TP53BP2: variants seen among roughly 807,000 people sequenced by gnomAD.
The protein encoded by TP53BP2 is apoptosis-stimulating of p53 protein 2.
In TP53BP2, 62 loss-of-function variants were observed where a neutral mutation model predicts 126.2. That is an observed-to-expected ratio of 0.49 (90% CI 0.40 to 0.61). TP53BP2 has a LOEUF of 0.61. Ranked by LOEUF, TP53BP2 falls within the 20% of genes least tolerant of loss-of-function variation. The pLI, the probability that TP53BP2 is intolerant of heterozygous loss-of-function variation, is 0.00. For missense variants in TP53BP2, 1,215 were observed against 1,402.8 expected (o/e 0.87, Z 2.14); for synonymous variants, 485 against 502.9 (o/e 0.96, Z 0.48).
At chr1:223,820,895 C>G (rs1465666422) in intron 2 of TP53BP2, among the ~76,000 whole-genome samples, 1 of 152,184 alleles carries the variant, frequency 6.6e-6, no homozygotes, top group Non-Finnish European at 1.5e-5. Context: ...TGAGAGAAGG[C>G]AAACCAGTTA....
intron 1 of TP53BP2, among the ~76,000 whole-genome samples, chr1:223,824,167 T>C (rs1038033847): frequency 2.2e-4 from 34 of 152,218 alleles, no homozygotes; most frequent in Admixed American, 1.3e-4. Flanking sequence ...TAAGCTGTCC[T>C]TTATAGAAAG....
In TP53BP2 at chr1:223,800,696, T is replaced by C; in HGVS notation, c.1336+4A>G. 1 of 1,585,984 alleles carries C rather than the reference T, an allele frequency of 6.3e-7. No individual in the cohort carries two copies. Among genetic ancestry groups the C allele is most frequent in the Non-Finnish European group, 8.5e-7 (1 of 1,170,500 alleles). ...TGTTCAAGAGTAGCACAAATAAATCTCACCTTGATCCAGAGCATTCCCAGT... is the reference window on the plus strand; with the variant it reads ...TGTTCAAGAGTAGCACAAATAAATCCCACCTTGATCCAGAGCATTCCCAGT... On this transcript the variant is annotated splice_donor_region_variant and intron_variant, in intron 10 of 17. Transcript: ENST00000343537.
At chr1:223,830,395 G>C (rs1039388099) in intron 1 of TP53BP2, among the ~76,000 whole-genome samples, 2 of 152,058 alleles carry the variant, frequency 1.3e-5, no homozygotes, top group South Asian at 4.1e-4. Context: ...ACATAGATGA[G>C]GTTGTACAAA....
chr1:223,812,842 G>A (rs538381112), intron 3 of TP53BP2, among the ~76,000 whole-genome samples: 17 of 151,680 alleles, frequency 1.1e-4, no homozygotes, highest in African/African-American at 2.2e-4. Context: ...GATTACAGGC[G>A]TGAGCCACCA....
At position 223,784,242 on chromosome 1, in the gene TP53BP2, T is replaced by C; in HGVS notation, c.3236A>G (p.Asp1079Gly). 2 of 1,614,188 alleles carry C rather than the reference T, an allele frequency of 1.2e-6. No homozygotes were observed. Among genetic ancestry groups the C allele is most frequent in the South Asian group, 2.2e-5 (2 of 91,088 alleles). ...TCCTTCTTTCATGGGCAGCTCATCA[T>C]CATTCTGAGGTTCATAATCCCAAAG... ...YALWDYEPQN[D>G]DELPMKEGDC... is the part of the protein sequence containing the mutation. The change falls in exon 17 of 18, where the codon GAT becomes GGT. Residue 1079 changes from aspartate to glycine, a missense_variant. Transcript: ENST00000343537.
intron 3 of TP53BP2, among the ~76,000 whole-genome samples, chr1:223,813,469 T>A (rs961345385): frequency 6.6e-6 from 1 of 152,102 alleles, no homozygotes; most frequent in Non-Finnish European, 1.5e-5. Context: ...CTTAACTCTG[T>A]CTACTCTTTC....
At position 223,804,318 on chromosome 1, in the gene TP53BP2, C is replaced by A; in HGVS notation, c.505G>T (p.Asp169Tyr). 3.1e-6 allele frequency: 5 copies of A among 1,613,546 alleles called. No individual in the cohort carries two copies. Among genetic ancestry groups the A allele is most frequent in the Non-Finnish European group, 3.4e-6 (4 of 1,179,894 alleles). ...EQRLKFLKQQ[D>Y]QRQQQQVAEQ... ...GCAACTTGTTGCTGTTGTCGCTGAT[C>A]TTGTTGTTTCAAAAACTTTAAGCGC... The change falls in exon 6 of 18, where the codon GAT becomes TAT. Residue 169 changes from aspartate (D) to tyrosine (Y), a missense_variant. Coordinates refer to ENST00000343537, the MANE Select transcript of TP53BP2 (RefSeq NM_001031685.3).
In TP53BP2 at chr1:223,814,340, C is replaced by T. The variant is rs148955881; in HGVS notation, c.189G>A (p.Ala63=). The T allele has an allele frequency of 4.2e-4, 677 of 1,612,198 alleles. 1 individual carries two copies. The Middle Eastern group carries it at 5.3e-3, about 13-fold the overall frequency. The change falls in exon 3 of 18, where the codon GCG becomes GCA. Residue 63 remains alanine (A), a synonymous_variant. Coordinates refer to ENST00000343537, the MANE Select transcript of TP53BP2 (RefSeq NM_001031685.3). ...GAACATCAAACATTCGCTCATTATC[C>T]GCAACTGGACGTTCTAAAGCAAATG... ...EVWCGSERPV[A]DNERMFDVLQ... is the part of the protein sequence containing the mutation.
intron 2 of TP53BP2, among the ~76,000 whole-genome samples, chr1:223,818,859 G>T (rs563107808): frequency 6.6e-5 from 10 of 151,630 alleles, no homozygotes; most frequent in Non-Finnish European, 4.4e-5. Flanking sequence ...GATTATAGGC[G>T]TCAGCCACCG....
chr1:223,785,342 T>C (rs935997468), intron 16 of TP53BP2, among the ~76,000 whole-genome samples: 1 of 152,234 alleles, frequency 6.6e-6, no homozygotes, highest in Non-Finnish European at 1.5e-5. Flanking sequence ...AAGAAATTCT[T>C]CTTTTCTAGA....
chr1:223,799,891 G>C lies in TP53BP2; in HGVS notation c.1485+8C>G. 1 of 1,568,414 alleles carries C rather than the reference G, an allele frequency of 6.4e-7. No individual in the cohort carries two copies. Among genetic ancestry groups the C allele is most frequent in the Non-Finnish European group, 8.6e-7 (1 of 1,164,558 alleles). On this transcript the variant is annotated splice_region_variant and intron_variant, in intron 11 of 17. Coordinates refer to ENST00000343537, the MANE Select transcript of TP53BP2 (RefSeq NM_001031685.3). ...TTAAATTTTAAAAACCAGGATATTT[G>C]TAGGTACCTGAGCATCCCGCAAGAT... is the stretch of plus-strand genomic sequence containing the variant.
At position 223,789,035 on chromosome 1, in the gene TP53BP2, A is replaced by G; in HGVS notation, c.3136T>C (p.Tyr1046His). The change falls in exon 16 of 18, where the codon TAC becomes CAC. Residue 1046 changes from tyrosine (Y) to histidine (H), a missense_variant. Tyr to His is a moderately conservative substitution (Grantham distance 83). Coordinates refer to ENST00000343537, the MANE Select transcript of TP53BP2 (RefSeq NM_001031685.3). ...ADKCEEMEEG[Y>H]TQCSQFLYGV... ...TAAAGAAATTGGGAGCACTGAGTGT[A>G]GCCTTCCTCCATTTCCTCGCACTTA... 1 of 1,614,180 alleles carries G rather than the reference A, an allele frequency of 6.2e-7. No individual in the cohort carries two copies.
At chr1:223,788,256 C>G (rs1322528089) in intron 16 of TP53BP2, among the ~76,000 whole-genome samples, 2 of 152,136 alleles carry the variant, frequency 1.3e-5, no homozygotes, top group Non-Finnish European at 2.9e-5. Context: ...CCTTAGGGGT[C>G]TTCCAATCAA....
At chr1:223,788,235 G>A (rs751225719) in intron 16 of TP53BP2, among the ~76,000 whole-genome samples, 1 of 152,148 alleles carries the variant, frequency 6.6e-6, no homozygotes, top group Non-Finnish European at 1.5e-5. Flanking sequence ...GGGCAGAGGC[G>A]TCTGTTTTAC....
intron 1 of TP53BP2, among the ~76,000 whole-genome samples, chr1:223,835,092 C>T (rs1019215501): frequency 5.3e-5 from 8 of 152,152 alleles, no homozygotes; most frequent in Non-Finnish European, 1.2e-4. Flanking sequence ...ATTCAAAGTT[C>T]CACGAAGAGG....
chr1:223,794,287 T>C (rs560294205), intron 13 of TP53BP2, among the ~76,000 whole-genome samples: 2 of 152,350 alleles, frequency 1.3e-5, no homozygotes, highest in African/African-American at 4.8e-5. Context: ...AATTCTTTCA[T>C]TTTATCTCAG....
At chr1:223,831,466 TAA>T (rs1157082703) in intron 1 of TP53BP2, among the ~76,000 whole-genome samples, 3,852 of 43,154 alleles carry the variant, frequency 0.089, 146 homozygotes, top group Middle Eastern at 0.12. Context: ...ATGTACCATC[TAA>T]AAAAAAAAAA....
At position 223,795,947 on chromosome 1, in the gene TP53BP2, C is replaced by T. The variant is rs1437870992; in HGVS notation, c.2592G>A (p.Val864=). 5 of 1,614,082 alleles carry T rather than the reference C, an allele frequency of 3.1e-6. No individual in the cohort carries two copies. Among genetic ancestry groups the T allele is most frequent in the Middle Eastern group, 1.7e-4 (1 of 6,060 alleles). ...GGTACTCCTCCAGGTACACATCAAG[C>T]ACATGTGGAGCCTCTGGATTTGGTT... is the stretch of plus-strand genomic sequence containing the variant. ...PEEPNPEAPH[V]LDVYLEEYPP... is the part of the protein sequence containing the mutation. The change falls in exon 13 of 18, where the codon GTG becomes GTA. Residue 864 remains valine (V), a synonymous_variant. Transcript: ENST00000343537.
At chr1:223,833,154 CA>C (rs779355843) in intron 1 of TP53BP2, among the ~76,000 whole-genome samples, 16 of 152,174 alleles carry the variant, frequency 1.1e-4, no homozygotes, top group Non-Finnish European at 1.9e-4. Flanking sequence ...CACCAATTAC[CA>C]TAAGTTATGT....
Sources: allele counts gnomAD v4.1 joint callset (sites outside exome capture counted in the v4.1 genomes callset), GRCh38; gene constraint gnomAD v4.1.1; transcripts MANE v1.5; gene names NCBI Gene and HGNC (gene_info 2026-07-23, HGNC 2026-07-21).